WDR3: variants seen among roughly 807,000 people sequenced by gnomAD.
WDR3 encodes WD repeat-containing protein 3.
In WDR3, 81 loss-of-function variants were observed where a neutral mutation model predicts 123.7. The ratio of observed to expected loss-of-function variants is 0.65; its 90% CI spans 0.55 to 0.79. The LOEUF (loss-of-function observed/expected upper bound fraction) is 0.79. Ranked by LOEUF, WDR3 falls within the 30% of genes least tolerant of loss-of-function variation. The probability of loss-of-function intolerance (pLI) is 0.00; values close to 1 mark genes in which losing one functional copy is unlikely to be tolerated. For missense variants in WDR3, 1,027 were observed against 1,123.2 expected (o/e 0.91, Z 1.22); for synonymous variants, 390 against 388.8 (o/e 1.00, Z -0.04).
chr1:117,933,316 C>T lies in WDR3; in HGVS notation c.-4C>T, dbSNP rs1650800211. 8 of 1,613,788 alleles carry T rather than the reference C, an allele frequency of 5.0e-6. No individual in the cohort carries two copies. In the South Asian group the frequency reaches 6.6e-5, roughly 13 times the overall value. ...GCTTCACCTGTGGTATCAGACATCACAACATGGGGCTCACCAAGCAGTACC... is the reference window on the plus strand; with the variant it reads ...GCTTCACCTGTGGTATCAGACATCATAACATGGGGCTCACCAAGCAGTACC... On this transcript the variant is annotated 5_prime_UTR_variant, in exon 2 of 27. Coordinates refer to ENST00000349139, the MANE Select transcript of WDR3 (RefSeq NM_006784.3).
chr1:117,955,273 C>G, intron 23 of WDR3, 42 bp from the exon 24 acceptor site: 1 of 1,553,368 alleles, frequency 6.4e-7, no homozygotes, highest in Non-Finnish European at 8.8e-7. Flanking sequence ...TAGTAGAAAC[C>G]AACCAAGAGT....
chr1:117,941,727 A>G, intron 8 of WDR3, 23 bp from the exon 9 acceptor site: 1 of 1,600,268 alleles, frequency 6.2e-7, no homozygotes, highest in Non-Finnish European at 8.5e-7. Context: ...TCCTTGACTC[A>G]CATTAACCTT....
chr1:117,942,289 TTTAA>T, intron 9 of WDR3, 144 bp from the exon 10 acceptor site: 1 of 673,872 alleles, frequency 1.5e-6, no homozygotes, highest in Non-Finnish European at 2.6e-6. Flanking sequence ...TACTACATTG[TTTAA>T]TTATCATGGT....
intron 6 of WDR3, among the ~76,000 whole-genome samples, chr1:117,940,380 T>C (rs1651097998): frequency 6.6e-6 from 1 of 152,196 alleles, no homozygotes; most frequent in African/African-American, 2.4e-5. Flanking sequence ...GATCACTGAT[T>C]AGAAGCTGTT....
intron 12 of WDR3, among the ~76,000 whole-genome samples, chr1:117,947,229 A>G (rs1177371949): frequency 1.3e-5 from 2 of 152,256 alleles, no homozygotes; most frequent in African/African-American, 4.8e-5. Flanking sequence ...TAGAGCTGGT[A>G]GCAGACATAG....
intron 6 of WDR3, 37 bp from the exon 7 acceptor site, chr1:117,940,790 C>T (rs2101201910): frequency 6.5e-7 from 1 of 1,537,146 alleles, no homozygotes; most frequent in Non-Finnish European, 8.9e-7. Flanking sequence ...CTGGAACATA[C>T]TATTTCAGCT....
At chr1:117,954,483 T>C in intron 22 of WDR3, 97 bp from the exon 23 acceptor site, 1 of 1,265,612 alleles carries the variant, frequency 7.9e-7, no homozygotes, top group Non-Finnish European at 1.1e-6. Context: ...CTTTTTTCCC[T>C]TTTCAAAATT....
Position 117,953,875 on chromosome 1 carries a change from C to G in WDR3, c.2269-132C>G, listed in dbSNP as rs987540517. 2.5e-5 allele frequency: 19 copies of G among 747,042 alleles called. No homozygotes were observed. In the East Asian group the frequency reaches 4.8e-4, roughly 19 times the overall value. The allele number at this position is 747,042 out of a possible 1,614,324, so 46.3% of individuals were successfully genotyped here. On this transcript the variant is annotated intron_variant, in intron 21 of 26. Transcript: ENST00000349139. Reference sequence around the variant, plus strand: ...ATGTCTTTAAATGCTTTTTGGCACTCTATTCGCACGTCTTTATTAAACAGA... The same window carrying G: ...ATGTCTTTAAATGCTTTTTGGCACTGTATTCGCACGTCTTTATTAAACAGA...
intron 21 of WDR3, 98 bp from the exon 22 acceptor site, chr1:117,953,909 A>C: frequency 2.0e-6 from 2 of 975,674 alleles, no homozygotes; most frequent in Middle Eastern, 2.2e-4. Context: ...GATTGAAGCT[A>C]TTTCATTTGG....
At position 117,960,109 on chromosome 1, in the gene WDR3, C is replaced by CGTGTGTGTATGT. The variant is rs557563970; in HGVS notation, c.*670_*671insATGTGTGTGTGT. 69 of 144,500 alleles carry CGTGTGTGTATGT rather than the reference C, an allele frequency of 4.8e-4. No homozygotes were observed. The highest frequency in any genetic ancestry group is 1.6e-3 in the African/African-American group (62 of 38,006). 9.0% of individuals were successfully genotyped at this position (144,500 alleles called of 1,614,324 possible). ...TGGGCTTCTGAGGAATTAATACACT[C>CGTGTGTGTATGT]GTGTGTGTGTGTGTGTGTGTGTGTG... is the stretch of plus-strand genomic sequence containing the variant. On this transcript the variant is annotated 3_prime_UTR_variant, in exon 27 of 27. Transcript: ENST00000349139.
intron 24 of WDR3, among the ~76,000 whole-genome samples, chr1:117,956,734 A>G (rs976209881): frequency 4.6e-5 from 7 of 152,208 alleles, no homozygotes; most frequent in African/African-American, 1.2e-4. Context: ...ATCAGTCATC[A>G]TAATAGACTC....
At chr1:117,943,319 A>T in intron 10 of WDR3, 77 bp from the exon 11 acceptor site, 1 of 1,257,392 alleles carries the variant, frequency 8.0e-7, no homozygotes, top group Non-Finnish European at 1.1e-6. Context: ...AGGACATTGT[A>T]AAGCCTTTTC....
intron 18 of WDR3, 37 bp downstream of exon 18, chr1:117,952,445 G>A (rs918204637): frequency 2.5e-6 from 4 of 1,600,742 alleles, no homozygotes; most frequent in Non-Finnish European, 2.6e-6. Context: ...TGGTACTTAA[G>A]AAATACTTTT....
At chr1:117,940,998 G>C in intron 7 of WDR3, 58 bp downstream of exon 7, 1 of 1,579,244 alleles carries the variant, frequency 6.3e-7, no homozygotes, top group South Asian at 1.1e-5. Flanking sequence ...AGTAAGAATT[G>C]CAGATTTTTA....
In WDR3 at chr1:117,940,893, C is replaced by A. The variant is rs202012981; in HGVS notation, c.742C>A (p.Leu248Ile). The change falls in exon 7 of 27, where the codon CTT becomes ATT. Residue 248 changes from leucine (L) to isoleucine (I), a missense_variant. By Grantham distance (5) the Leu-to-Ile change is conservative. Coordinates refer to ENST00000349139, the MANE Select transcript of WDR3 (RefSeq NM_006784.3). Reference sequence around the variant, plus strand: ...ATCTTCTCCTGGAATACAAGATACTCTTGAGGCAGAGGATGGTGCCTTTGA... The same window carrying A: ...ATCTTCTCCTGGAATACAAGATACTATTGAGGCAGAGGATGGTGCCTTTGA... Reference protein sequence around the residue: ...KGSSPGIQDTLEAEDGAFETD... With the variant: ...KGSSPGIQDTIEAEDGAFETD... 255 of 1,614,062 alleles carry A rather than the reference C, an allele frequency of 1.6e-4. 3 individuals carry two copies. In the South Asian group the frequency reaches 2.6e-3, roughly 17 times the overall value.
intron 3 of WDR3, among the ~76,000 whole-genome samples, chr1:117,936,084 T>A (rs569551654): frequency 6.6e-6 from 1 of 152,126 alleles, no homozygotes; most frequent in Non-Finnish European, 1.5e-5. Context: ...GACTGAACAT[T>A]TTTTACTTAT....
chr1:117,941,117 T>G lies in WDR3; in HGVS notation c.790-7T>G, dbSNP rs1169155446. On this transcript the variant is annotated splice_polypyrimidine_tract_variant and splice_region_variant and intron_variant, in intron 7 of 26. Transcript: ENST00000349139. ...CTAACCTTCATCTGCTCTTGCTTCTTCTGTAGCGAATCCTTTCATGCAGAA... is the reference window on the plus strand; with the variant it reads ...CTAACCTTCATCTGCTCTTGCTTCTGCTGTAGCGAATCCTTTCATGCAGAA... The G allele has an allele frequency of 6.2e-7, 1 of 1,614,096 alleles. No individual in the cohort carries two copies. Among genetic ancestry groups the G allele is most frequent in the Non-Finnish European group, 8.5e-7 (1 of 1,179,986 alleles).
chr1:117,941,950 C>A, intron 9 of WDR3, 103 bp downstream of exon 9: 2 of 1,434,956 alleles, frequency 1.4e-6, no homozygotes, highest in Non-Finnish European at 1.8e-6. Flanking sequence ...TTATCAATTA[C>A]CATTAAAAGT....
Position 117,933,247 on chromosome 1 carries a change from A to T in WDR3, c.-32-41A>T. Reference sequence around the variant, plus strand: ...GGTGTTTACTAACCTAGTAGAACCAAGGCACCCAAGGAGCTGAGTTTTCTT... The same window carrying T: ...GGTGTTTACTAACCTAGTAGAACCATGGCACCCAAGGAGCTGAGTTTTCTT... On this transcript the variant is annotated intron_variant, in intron 1 of 26. Transcript: ENST00000349139. The T allele has an allele frequency of 3.9e-6, 6 of 1,557,544 alleles. No homozygotes were observed. The East Asian group carries it at 1.4e-4, about 35-fold the overall frequency.
Sources: allele counts gnomAD v4.1 joint callset (sites outside exome capture counted in the v4.1 genomes callset), GRCh38; gene constraint gnomAD v4.1.1; transcripts MANE v1.5; gene names NCBI Gene and HGNC (gene_info 2026-07-23, HGNC 2026-07-21).